Variants in DLG2 observed in about 807,000 individuals in gnomAD.
DLG2 encodes discs large MAGUK scaffold protein 2.
In DLG2, 45 loss-of-function variants were observed where a neutral mutation model predicts 132.5. The observed-to-expected ratio is 0.34, with a 90% CI of 0.27 to 0.44. The LOEUF is 0.44. Among genes scored for constraint, DLG2 ranks in the 20% least tolerant of loss-of-function variants. The pLI is 1.00. For synonymous variants in DLG2, 424 were observed against 419.6 expected (o/e 1.01, Z -0.13); for missense variants, 1,045 against 1,196.9 (o/e 0.87, Z 1.87).
chr11:85,485,602 G>T (rs552082864), intron 3 of DLG2, among the ~76,000 whole-genome samples: 4 of 152,296 alleles, frequency 2.6e-5, no homozygotes, highest in Admixed American at 2.6e-4. Flanking sequence ...CTCTTGGCTG[G>T]GGATCAGCTG....
intron 3 of DLG2, among the ~76,000 whole-genome samples, chr11:85,542,363 G>A (rs2076027048): frequency 6.6e-6 from 1 of 152,100 alleles, no homozygotes; most frequent in Admixed American, 6.5e-5. Context: ...AAACTGAGTG[G>A]CAAACAAATG....
chr11:84,983,050 A>G (rs1244974282), intron 6 of DLG2, among the ~76,000 whole-genome samples: 1 of 152,186 alleles, frequency 6.6e-6, no homozygotes, highest in Non-Finnish European at 1.5e-5. Context: ...TTTATTCAAT[A>G]TAATGCCAGA....
intron 6 of DLG2, among the ~76,000 whole-genome samples, chr11:84,807,776 A>C (rs140756751): frequency 1.3e-5 from 2 of 152,338 alleles, no homozygotes; most frequent in Admixed American, 6.5e-5. Context: ...TTATTTAAAA[A>C]TAATAGAATC....
intron 4 of DLG2, among the ~76,000 whole-genome samples, chr11:85,184,410 T>C (rs953447463): frequency 1.3e-5 from 2 of 151,698 alleles, no homozygotes; most frequent in African/African-American, 4.8e-5. Flanking sequence ...CAAGGTTTCA[T>C]TCGTTGCAAT....
intron 3 of DLG2, among the ~76,000 whole-genome samples, chr11:85,301,984 T>C (rs1436854675): frequency 1.3e-5 from 2 of 152,222 alleles, no homozygotes; most frequent in African/African-American, 4.8e-5. Context: ...CCTGAGAGAA[T>C]TAATACAAAT....
At chr11:85,244,320 G>A (rs2076033250) in intron 4 of DLG2, among the ~76,000 whole-genome samples, 1 of 151,940 alleles carries the variant, frequency 6.6e-6, no homozygotes, top group Non-Finnish European at 1.5e-5. Context: ...AGTGGTGAAA[G>A]TTTATGCGAG....
At chr11:85,023,690 TATATCTCG>T (rs1247924736) in intron 6 of DLG2, among the ~76,000 whole-genome samples, 1 of 152,108 alleles carries the variant, frequency 6.6e-6, no homozygotes, top group Non-Finnish European at 1.5e-5. Flanking sequence ...ATCTATGTAC[TATATCTCG>T]ATAACTATTC....
chr11:83,647,833 T>G (rs2068720654), intron 18 of DLG2: 1 of 152,168 alleles, frequency 6.6e-6, no homozygotes, highest in South Asian at 2.1e-4. Context: ...TCAAAATTTA[T>G]ATTTAATTCT....
At chr11:84,196,198 G>A (rs1028086649) in intron 8 of DLG2, among the ~76,000 whole-genome samples, 10 of 152,014 alleles carry the variant, frequency 6.6e-5, no homozygotes, top group Non-Finnish European at 1.3e-4. Flanking sequence ...AATAAGTGTC[G>A]AGTTACTTTT....
At chr11:83,644,487 T>A (rs1238700428) in intron 18 of DLG2, among the ~76,000 whole-genome samples, 2 of 152,138 alleles carry the variant, frequency 1.3e-5, no homozygotes, top group Admixed American at 1.3e-4. Flanking sequence ...ATCCTAAAAA[T>A]CACCTAGCTA....
chr11:85,028,630 C>T lies in DLG2; in HGVS notation c.357+83031G>A, dbSNP rs190292551. On this transcript the variant is annotated intron_variant, in intron 6 of 27. Coordinates refer to ENST00000376104, the MANE Select transcript of DLG2 (RefSeq NM_001142699.3). ...GCCGTAAGTGCATGCAGCTGGGTCG[C>T]GACAGTGCCTAGGCTCAGCCTCAAC... Among the ~76,000 whole-genome samples, 401 of 152,262 alleles carry T rather than the reference C, an allele frequency of 2.6e-3. 7 individuals are homozygous for T. The highest frequency in any genetic ancestry group is 1.0e-3 in the South Asian group (5 of 4,830).
intron 3 of DLG2, among the ~76,000 whole-genome samples, chr11:85,494,658 A>C (rs1290302651): frequency 1.9e-4 from 29 of 152,112 alleles, no homozygotes; most frequent in Admixed American, 1.9e-3. Context: ...ATCTTTAAAG[A>C]GTCCAAAGAT....
At chr11:84,860,156 C>T (rs544909295) in intron 6 of DLG2, among the ~76,000 whole-genome samples, 33 of 152,204 alleles carry the variant, frequency 2.2e-4, no homozygotes, top group African/African-American at 7.5e-4. Context: ...TCAACCTCTT[C>T]GACTTAAAAA....
chr11:84,873,907 T>TA (rs2085896384), intron 6 of DLG2, among the ~76,000 whole-genome samples: 1 of 152,164 alleles, frequency 6.6e-6, no homozygotes, highest in Non-Finnish European at 1.5e-5. Context: ...GTCCACAAGA[T>TA]ATGGAGCGGA....
At chr11:85,345,557 A>C (rs2082776335) in intron 3 of DLG2, among the ~76,000 whole-genome samples, 1 of 152,132 alleles carries the variant, frequency 6.6e-6, no homozygotes, top group Admixed American at 6.5e-5. Context: ...CAGAAATGGA[A>C]CCAGGATTCA....
At chr11:84,144,663 A>T (rs1175377100) in intron 9 of DLG2, among the ~76,000 whole-genome samples, 1 of 152,184 alleles carries the variant, frequency 6.6e-6, no homozygotes, top group African/African-American at 2.4e-5. Flanking sequence ...CTATTGAAAG[A>T]AACAACTCAG....
intron 6 of DLG2, among the ~76,000 whole-genome samples, chr11:84,835,843 CAG>C (rs2079688084): frequency 6.6e-6 from 1 of 151,654 alleles, no homozygotes; most frequent in African/African-American, 2.4e-5. Context: ...TCATGGTAAA[CAG>C]TGATCTAAAT....
intron 6 of DLG2, among the ~76,000 whole-genome samples, chr11:84,553,155 T>A (rs1472313585): frequency 6.6e-6 from 1 of 152,184 alleles, no homozygotes; most frequent in African/African-American, 2.4e-5. Context: ...TTTTCCACAG[T>A]CTCTCCTAAT....
At chr11:84,720,488 G>T (rs1435037697) in intron 6 of DLG2, 29 of 985,064 alleles carry the variant, frequency 2.9e-5, no homozygotes, top group Non-Finnish European at 2.9e-5. Context: ...CCGAGCTGCC[G>T]CTTCGATCAC....
Sources: gnomAD v4.1 joint callset for allele counts (sites outside exome capture counted in the v4.1 genomes callset) on GRCh38, gnomAD v4.1.1 for gene constraint, MANE v1.5 for transcripts, NCBI Gene and HGNC (gene_info 2026-07-23, HGNC 2026-07-21) for gene names.